Variants in ZNF487 observed in about 807,000 individuals in gnomAD.
The protein encoded by ZNF487 is zinc finger protein 487, also known as KRAB domain only 1.
Under a neutral mutation model 3.0 loss-of-function variants are expected in ZNF487, and 4 were observed. The ratio of observed to expected loss-of-function variants is 1.35; its 90% CI spans 0.66 to 3.08. The LOEUF (loss-of-function observed/expected upper bound fraction) is 3.08. ZNF487 is among the 30% of genes most tolerant of loss of function. ZNF487 has a pLI of 0.01. For synonymous variants in ZNF487, 55 were observed against 34.6 expected (o/e 1.59, Z -2.06); for missense variants, 146 against 98.7 (o/e 1.48, Z -2.03).
chr10:43,479,977 TTCTTTCC>T (rs879694643), intron 3 of ZNF487, among the ~76,000 whole-genome samples: 1,313 of 38,250 alleles, frequency 0.034, 60 homozygotes, highest in Middle Eastern at 0.12. Context: ...TTTCTTTTCT[TTCTTTCC>T]TTCTTTCTTT....
In ZNF487 at chr10:43,455,355, A is replaced by C. The variant is rs570601652; in HGVS notation, c.-94+18093A>C. 1.1e-4 allele frequency among the ~76,000 whole-genome samples: 16 copies of C among 152,274 alleles called. No individual in the cohort carries two copies. In the South Asian group the frequency reaches 3.3e-3, roughly 32 times the overall value. On this transcript the variant is annotated intron_variant, in intron 1 of 3. Transcript: ENST00000437590. Reference sequence around the variant, plus strand: ...CCCCCAAATTCTGTGTATTGCAAGTAAGTCTCAAATTTTGAGAAGCGAGCA... The same window carrying C: ...CCCCCAAATTCTGTGTATTGCAAGTCAGTCTCAAATTTTGAGAAGCGAGCA...
the ZNF487 span, among the ~76,000 whole-genome samples, chr10:43,515,340 T>C: frequency 6.6e-6 from 1 of 152,188 alleles, no homozygotes; most frequent in African/African-American, 2.4e-5. Context: ...TTATCTTGCC[T>C]GGCAACCATC....
chr10:43,449,287 A>G (rs1399310808), intron 1 of ZNF487, among the ~76,000 whole-genome samples: 1 of 152,146 alleles, frequency 6.6e-6, no homozygotes, highest in Non-Finnish European at 1.5e-5. Context: ...CGACAGAGCG[A>G]GACTCTGTCT....
chr10:43,509,265 C>T, the ZNF487 span, among the ~76,000 whole-genome samples: 1 of 150,920 alleles, frequency 6.6e-6, no homozygotes, highest in African/African-American at 2.4e-5. Flanking sequence ...AGCAGCCAAA[C>T]TTGGCCTTTT....
At chr10:43,443,365 A>AGTTTTT (rs1380084807) in intron 1 of ZNF487, among the ~76,000 whole-genome samples, 1 of 139,884 alleles carries the variant, frequency 7.1e-6, no homozygotes, top group African/African-American at 2.7e-5. Flanking sequence ...TGCTGGGCCT[A>AGTTTTT]GTTTTTGTTT....
the ZNF487 span, among the ~76,000 whole-genome samples, chr10:43,522,987 T>C: frequency 6.6e-6 from 1 of 152,238 alleles, no homozygotes; most frequent in Non-Finnish European, 1.5e-5. Context: ...TTTGCTGTAT[T>C]TGTTTATTCC....
At chr10:43,472,318 G>A (rs1840934809) in intron 1 of ZNF487, among the ~76,000 whole-genome samples, 1 of 152,084 alleles carries the variant, frequency 6.6e-6, no homozygotes, top group Non-Finnish European at 1.5e-5. Context: ...AACCTCTGGA[G>A]CATTCCTTCC....
At chr10:43,453,368 G>A (rs1840068542) in intron 1 of ZNF487, 1 of 152,182 alleles carries the variant, frequency 6.6e-6, no homozygotes, top group Non-Finnish European at 1.5e-5. Flanking sequence ...GCTCTTAAGA[G>A]AGGGCGGTCA....
chr10:43,476,106 G>A lies in ZNF487; in HGVS notation c.35-1G>A, dbSNP rs1482266717. 6 of 717,360 alleles carry A rather than the reference G, an allele frequency of 8.4e-6. No individual in the cohort carries two copies. In the South Asian group the frequency reaches 8.9e-5, roughly 11 times the overall value. The allele number at this position is 717,360 out of a possible 1,614,324, so 44.4% of individuals were successfully genotyped here. ...ACGTCCTGTGTCATTTTCATTCACAGGATATTGCATTACCAAACCAGAGGT... is the reference window on the plus strand; with the variant it reads ...ACGTCCTGTGTCATTTTCATTCACAAGATATTGCATTACCAAACCAGAGGT... On this transcript the variant is annotated splice_acceptor_variant, in intron 2 of 3. Coordinates refer to ENST00000437590, the MANE Select transcript of ZNF487 (RefSeq NM_001355444.3). LOFTEE classifies it high-confidence loss of function.
chr10:43,475,960 A>G, intron 2 of ZNF487, 113 bp downstream of exon 2: 1 of 649,858 alleles, frequency 1.5e-6, no homozygotes, highest in Non-Finnish European at 2.8e-6. Flanking sequence ...TCAGGAGTTG[A>G]AGCTTGATTG....
chr10:43,464,190 T>C (rs991451040), intron 1 of ZNF487, among the ~76,000 whole-genome samples: 3 of 150,358 alleles, frequency 2.0e-5, no homozygotes, highest in African/African-American at 7.3e-5. Flanking sequence ...TTCTTTTTTT[T>C]TTTTTTGTTT....
At chr10:43,445,274 TCAC>T (rs998380354) in intron 1 of ZNF487, among the ~76,000 whole-genome samples, 2 of 152,038 alleles carry the variant, frequency 1.3e-5, no homozygotes, top group Non-Finnish European at 2.9e-5. Flanking sequence ...TAGGTGTGAA[TCAC>T]CACAACTGGC....
intron 1 of ZNF487, among the ~76,000 whole-genome samples, chr10:43,458,471 A>G (rs534700636): frequency 3.2e-4 from 49 of 152,308 alleles, no homozygotes; most frequent in Non-Finnish European, 5.3e-4. Context: ...TAGTGAGCAG[A>G]GGGGTAACTT....
At chr10:43,476,011 T>C in intron 2 of ZNF487, 96 bp from the exon 3 acceptor site, 1 of 679,056 alleles carries the variant, frequency 1.5e-6, no homozygotes, top group Non-Finnish European at 2.7e-6. Flanking sequence ...TGGTGTTTTC[T>C]GTAATGAAAT....
intron 1 of ZNF487, among the ~76,000 whole-genome samples, chr10:43,456,759 T>G (rs1840219001): frequency 6.6e-6 from 1 of 152,072 alleles, no homozygotes; most frequent in Non-Finnish European, 1.5e-5. Context: ...TTTTGTATTT[T>G]TAGTGAAGAT....
At chr10:43,444,895 G>A (rs1268705160) in intron 1 of ZNF487, among the ~76,000 whole-genome samples, 1 of 152,020 alleles carries the variant, frequency 6.6e-6, no homozygotes, top group Non-Finnish European at 1.5e-5. Flanking sequence ...TTTATTGTAA[G>A]GGTAGAAAGA....
the ZNF487 span, among the ~76,000 whole-genome samples, chr10:43,502,613 G>T: frequency 6.6e-6 from 1 of 152,100 alleles, no homozygotes; most frequent in South Asian, 2.1e-4. Context: ...GTCCTAAAAA[G>T]TATAGCACAT....
chr10:43,515,136 C>T, the ZNF487 span, among the ~76,000 whole-genome samples: 1 of 152,190 alleles, frequency 6.6e-6, no homozygotes, highest in African/African-American at 2.4e-5. Flanking sequence ...GTGTTCTTTC[C>T]ACCATTATCC....
chr10:43,515,227 T>G, the ZNF487 span, among the ~76,000 whole-genome samples: 1 of 152,194 alleles, frequency 6.6e-6, no homozygotes, highest in East Asian at 1.9e-4. Flanking sequence ...TCCTTTTGAG[T>G]GTAGTGCATA....
Sources: gnomAD v4.1 joint callset for allele counts (sites outside exome capture counted in the v4.1 genomes callset) on GRCh38, gnomAD v4.1.1 for gene constraint, MANE v1.5 for transcripts, NCBI Gene and HGNC (gene_info 2026-07-23, HGNC 2026-07-21) for gene names.